Variants in BMPR1B observed in about 807,000 individuals in gnomAD.
BMPR1B encodes bone morphogenetic protein receptor type-1B.
BMPR1B carries 12 observed loss-of-function variants against 59.1 expected under a neutral mutation model. The observed-to-expected ratio is 0.20, with a 90% CI of 0.13 to 0.33. The LOEUF (loss-of-function observed/expected upper bound fraction) is 0.33, where lower values mean the gene tolerates loss of function less well. BMPR1B is among the 10% of genes least tolerant of loss of function. BMPR1B has a pLI of 1.00. For synonymous variants in BMPR1B, 237 were observed against 207.3 expected (o/e 1.14, Z -1.23); for missense variants, 550 against 610.9 (o/e 0.90, Z 1.05).
At chr4:95,136,576 C>A (rs1733806343) in intron 10 of BMPR1B, among the ~76,000 whole-genome samples, 1 of 152,104 alleles carries the variant, frequency 6.6e-6, no homozygotes, top group South Asian at 2.1e-4. Flanking sequence ...TAATTATTGC[C>A]TCAATTTCAG....
At chr4:94,902,316 G>A (rs1300400062) in intron 2 of BMPR1B, among the ~76,000 whole-genome samples, 4 of 129,426 alleles carry the variant, frequency 3.1e-5, no homozygotes, top group Non-Finnish European at 5.2e-5. Context: ...AAAACAAACT[G>A]GAAATAATTC....
rs995663969 is a variant in BMPR1B, at chr4:95,154,848, C to T, written c.*175C>T. On this transcript the variant is annotated 3_prime_UTR_variant, in exon 13 of 13. Coordinates refer to ENST00000515059, the MANE Select transcript of BMPR1B (RefSeq NM_001203.3). Reference sequence around the variant, plus strand: ...CGACCTGGGCAAAGACAGAGAAGCTCCCAGAAGGAGAGATTGATCCATGTC... The same window carrying T: ...CGACCTGGGCAAAGACAGAGAAGCTTCCAGAAGGAGAGATTGATCCATGTC... 5 of 819,182 alleles carry T rather than the reference C, an allele frequency of 6.1e-6. No homozygotes were observed. The Admixed American group carries it at 7.2e-5, about 12-fold the overall frequency. 50.7% of individuals were successfully genotyped at this position (819,182 alleles called of 1,614,324 possible). A position where few individuals can be genotyped will look rare whatever the true frequency, so the allele number is the denominator to read the frequency against.
In BMPR1B at chr4:95,086,772, A is replaced by G. The variant is rs1000501181; in HGVS notation, c.-17-17636A>G. ...ACAAGAATGTGTCGGTAGAGAGATC[A>G]GATTCCAGGCTAACCTTTATTTGCT... On this transcript the variant is annotated intron_variant, in intron 3 of 12. Coordinates refer to ENST00000515059, the MANE Select transcript of BMPR1B (RefSeq NM_001203.3). 3.9e-4 allele frequency among the ~76,000 whole-genome samples: 59 copies of G among 152,194 alleles called. 1 individual carries two copies. The highest frequency in any genetic ancestry group is 1.4e-3 in the African/African-American group (57 of 41,458).
chr4:94,802,765 G>GA lies in BMPR1B; in HGVS notation c.-183+44704dup, dbSNP rs553535264. Among the ~76,000 whole-genome samples the GA allele has an allele frequency of 2.2e-3, 336 of 152,060 alleles. 1 individual carries two copies. The highest frequency in any genetic ancestry group is 3.9e-3 in the Non-Finnish European group (264 of 67,968). ...GCTCATTTATTCATTGCTTCCTAGG[G>GA]AAAAAAAGTCACTGTTAAATCAGTC... On this transcript the variant is annotated intron_variant, in intron 1 of 12. Coordinates refer to ENST00000515059, the MANE Select transcript of BMPR1B (RefSeq NM_001203.3).
chr4:94,904,048 C>G (rs1021884737), intron 2 of BMPR1B, among the ~76,000 whole-genome samples: 4 of 152,012 alleles, frequency 2.6e-5, no homozygotes, highest in African/African-American at 9.7e-5. Flanking sequence ...TAGACAGTAA[C>G]ATCTCCTTTA....
chr4:95,138,758 C>G lies in BMPR1B; in HGVS notation c.1076+7246C>G, dbSNP rs1030530252. 2.6e-5 allele frequency among the ~76,000 whole-genome samples: 4 copies of G among 152,212 alleles called. 1 individual carries two copies. Among genetic ancestry groups the G allele is most frequent in the Admixed American group, 1.3e-4 (2 of 15,284 alleles). ...CTTGTGCCATGGTTTTCAGCTCCAT[C>G]AAGTCATTTAAGATCTTCTCCATGC... On this transcript the variant is annotated intron_variant, in intron 10 of 12. Coordinates refer to ENST00000515059, the MANE Select transcript of BMPR1B (RefSeq NM_001203.3).
intron 1 of BMPR1B, among the ~76,000 whole-genome samples, chr4:94,782,914 A>G (rs534441338): frequency 1.8e-4 from 27 of 151,938 alleles, no homozygotes; most frequent in Non-Finnish European, 3.2e-4. Context: ...AATATATTGT[A>G]ACACTGGAAT....
chr4:95,082,969 C>T (rs927014458), intron 3 of BMPR1B, among the ~76,000 whole-genome samples: 1 of 128,622 alleles, frequency 7.8e-6, no homozygotes, highest in Non-Finnish European at 1.6e-5. Flanking sequence ...ACCCGGGAGG[C>T]GGAGCTTGCA....
In BMPR1B at chr4:94,924,628, T is replaced by G. The variant is rs146347869; in HGVS notation, c.-113+48728T>G. Among the ~76,000 whole-genome samples the G allele has an allele frequency of 8.2e-4, 125 of 152,286 alleles. 1 individual carries two copies. Among genetic ancestry groups the G allele is most frequent in the Middle Eastern group, 3.4e-3 (1 of 294 alleles). On this transcript the variant is annotated intron_variant, in intron 2 of 12. Transcript: ENST00000515059. The stretch of plus-strand genomic sequence containing the variant: ...CACTTCTCTCCAACAAGACAGTCCA[T>G]GGTTTCCTTCTGAGTATTCATAAAT...
intron 10 of BMPR1B, among the ~76,000 whole-genome samples, chr4:95,142,614 A>G (rs1486891363): frequency 2.0e-5 from 3 of 151,856 alleles, no homozygotes; most frequent in African/African-American, 4.8e-5. Context: ...TTAGGCATCA[A>G]CAGCATCCAG....
At chr4:95,061,469 GA>G (rs1727389287) in intron 3 of BMPR1B, among the ~76,000 whole-genome samples, 1 of 152,108 alleles carries the variant, frequency 6.6e-6, no homozygotes, top group Non-Finnish European at 1.5e-5. Flanking sequence ...GATGGAGCTG[GA>G]GGTTTCCTTT....
intron 2 of BMPR1B, among the ~76,000 whole-genome samples, chr4:94,977,727 C>T (rs1457122606): frequency 6.6e-6 from 1 of 152,026 alleles, no homozygotes; most frequent in Non-Finnish European, 1.5e-5. Context: ...CATGGTGGCG[C>T]GTGCCTGCAG....
chr4:95,106,142 G>A (rs1460369146), intron 4 of BMPR1B, among the ~76,000 whole-genome samples: 1 of 151,980 alleles, frequency 6.6e-6, no homozygotes, highest in African/African-American at 2.4e-5. Context: ...CAGGGAGTAG[G>A]ATCAGGGAGT....
At chr4:95,091,522 G>C (rs1326673677) in intron 3 of BMPR1B, 1 of 985,132 alleles carries the variant, frequency 1.0e-6, no homozygotes, top group Admixed American at 6.2e-5. Flanking sequence ...TGCTGCCTAC[G>C]GTGCTGGGCT....
chr4:94,916,096 C>G (rs1225184977), intron 2 of BMPR1B, among the ~76,000 whole-genome samples: 6 of 152,148 alleles, frequency 3.9e-5, no homozygotes, highest in African/African-American at 1.2e-4. Flanking sequence ...GGACCATGAG[C>G]TGGTTAAACC....
chr4:94,871,690 A>G (rs1415242772), intron 1 of BMPR1B, among the ~76,000 whole-genome samples: 2 of 152,240 alleles, frequency 1.3e-5, no homozygotes, highest in African/African-American at 2.4e-5. Flanking sequence ...ATTTTAAAAG[A>G]TAATACAAGG....
chr4:95,056,394 T>G (rs551725800), intron 3 of BMPR1B, among the ~76,000 whole-genome samples: 2 of 152,308 alleles, frequency 1.3e-5, no homozygotes, highest in South Asian at 4.1e-4. Flanking sequence ...CTCTGTTACA[T>G]TCTTTTGATG....
rs140095241 is a variant in BMPR1B, at chr4:94,978,692, C to A, written c.-112-17348C>A. Among the ~76,000 whole-genome samples the A allele has an allele frequency of 2.8e-3, 422 of 152,176 alleles. 1 individual carries two copies. Among genetic ancestry groups the A allele is most frequent in the African/African-American group, 9.8e-3 (407 of 41,514 alleles). On this transcript the variant is annotated intron_variant, in intron 2 of 12. Coordinates refer to ENST00000515059, the MANE Select transcript of BMPR1B (RefSeq NM_001203.3). Reference sequence around the variant, plus strand: ...TAAGTAGAAAGAACTTAGAACCCACCTCTCAATGTGAGGAGTCTCAAAGAC... The same window carrying A: ...TAAGTAGAAAGAACTTAGAACCCACATCTCAATGTGAGGAGTCTCAAAGAC...
In BMPR1B at chr4:95,062,502, A is replaced by T. The variant is rs1268283672; in HGVS notation, c.-17-41906A>T. Among the ~76,000 whole-genome samples, 24 of 152,264 alleles carry T rather than the reference A, an allele frequency of 1.6e-4. No individual in the cohort carries two copies. In the South Asian group the frequency reaches 4.6e-3, roughly 29 times the overall value. ...ACACATTTGAGTTCTAGGACAAAAA[A>T]TTTGCACCCCAGATTGAAGAATGGA... On this transcript the variant is annotated intron_variant, in intron 3 of 12. Coordinates refer to ENST00000515059, the MANE Select transcript of BMPR1B (RefSeq NM_001203.3).
Sources: allele counts gnomAD v4.1 joint callset (sites outside exome capture counted in the v4.1 genomes callset), GRCh38; gene constraint gnomAD v4.1.1; transcripts MANE v1.5; gene names NCBI Gene and HGNC (gene_info 2026-07-23, HGNC 2026-07-21).